PPIL2: variants seen among roughly 807,000 people sequenced by gnomAD.
PPIL2 encodes the protein peptidylprolyl isomerase like 2, also known as RING-type E3 ubiquitin-protein ligase PPIL2.
Under a neutral mutation model 75.2 loss-of-function variants are expected in PPIL2, and 50 were observed. That is an observed-to-expected ratio of 0.66 (90% CI 0.53 to 0.84). The LOEUF is 0.84. PPIL2 is among the 40% of genes least tolerant of loss of function. PPIL2 has a pLI of 0.00. For missense variants in PPIL2, 590 were observed against 685.0 expected, an observed-to-expected ratio of 0.86 and a Z score of 1.55; for synonymous variants, 245 against 258.8, an observed-to-expected ratio of 0.95 and a Z score of 0.51.
In PPIL2 at chr22:21,695,424, C is replaced by T. The variant is rs748472095; in HGVS notation, c.1497C>T (p.Thr499=). The change falls in exon 20 of 20, where the codon ACC becomes ACT. Residue 499 remains threonine, a synonymous_variant. Coordinates refer to ENST00000398831, the MANE Select transcript of PPIL2 (RefSeq NM_014337.4). ...TKRAAEEEPS[T]SATVPMSKKK... ...GAGCAGCAGAGGAAGAGCCCTCAAC[C>T]AGTGCCACTGTCCCCATGTCCAAGA... is the stretch of plus-strand genomic sequence containing the variant. 6.2e-7 allele frequency: 1 copy of T among 1,610,328 alleles called. No homozygotes were observed. The highest frequency in any genetic ancestry group is 8.5e-7 in the Non-Finnish European group (1 of 1,178,384).
intron 6 of PPIL2, among the ~76,000 whole-genome samples, chr22:21,676,797 T>C (rs973979256): frequency 5.3e-5 from 8 of 152,230 alleles, no homozygotes; most frequent in African/African-American, 1.9e-4. Flanking sequence ...TTCTGTATCT[T>C]TTCCCCACAT....
At chr22:21,680,677 A>C (rs1348762235) in intron 6 of PPIL2, among the ~76,000 whole-genome samples, 2 of 150,390 alleles carry the variant, frequency 1.3e-5, no homozygotes, top group Admixed American at 1.3e-4. Flanking sequence ...AAAATACAGA[A>C]AAATTAGCCG....
At chr22:21,692,078 C>T (rs1335486488) in intron 15 of PPIL2, among the ~76,000 whole-genome samples, 2 of 151,900 alleles carry the variant, frequency 1.3e-5, no homozygotes, top group African/African-American at 2.4e-5. Flanking sequence ...TCTTTTCAGC[C>T]TCTCTGGCTC....
At position 21,692,310 on chromosome 22, in the gene PPIL2, A is replaced by G. The variant is rs1318444371; in HGVS notation, c.1140-1506A>G. Among the ~76,000 whole-genome samples the G allele has an allele frequency of 5.5e-4, 84 of 151,768 alleles. 2 individuals are homozygous for G. The South Asian group carries it at 0.011, about 21-fold the overall frequency. On this transcript the variant is annotated intron_variant, in intron 15 of 19. Transcript: ENST00000398831. Reference sequence around the variant, plus strand: ...AGCTGGGACTACAGGCGCCCGCCACACGCCTGGCTAATTTTTTGTATTTTT... The same window carrying G: ...AGCTGGGACTACAGGCGCCCGCCACGCGCCTGGCTAATTTTTTGTATTTTT...
intron 19 of PPIL2, 114 bp from the exon 20 acceptor site, chr22:21,695,280 G>A: frequency 1.5e-6 from 2 of 1,344,342 alleles, no homozygotes; most frequent in Non-Finnish European, 2.0e-6. Flanking sequence ...GGGGGATGTG[G>A]GAGCAGCAGG....
intron 16 of PPIL2, 82 bp from the exon 17 acceptor site, chr22:21,694,511 C>G: frequency 6.6e-7 from 1 of 1,513,822 alleles, no homozygotes. Flanking sequence ...CTCTCAACCC[C>G]TCTTCCCACG....
Position 21,686,529 on chromosome 22 carries a change from C to G in PPIL2, c.761C>G (p.Ala254Gly), listed in dbSNP as rs770568621. ...GKVSASFTST[A>G]MVPETTHEAA... ...GTCAGCGCTTCCTTCACCTCCACCG[C>G]GATGGTCCCGGAGACCACACATGAA... Residue 254 changes from alanine (A) to glycine (G), a missense_variant, in exon 11 of 20, where the codon GCG becomes GGG. Transcript: ENST00000398831. The G allele has an allele frequency of 1.2e-6, 2 of 1,614,162 alleles. No individual in the cohort carries two copies. The highest frequency in any genetic ancestry group is 2.2e-5 in the East Asian group (1 of 44,870).
chr22:21,668,905 G>A (rs892165854), intron 1 of PPIL2, among the ~76,000 whole-genome samples: 37 of 151,766 alleles, frequency 2.4e-4, no homozygotes, highest in South Asian at 6.2e-4. Flanking sequence ...TAGAGACGGG[G>A]TTTCACTGTG....
intron 14 of PPIL2, 40 bp downstream of exon 14, chr22:21,688,146 T>A: frequency 6.2e-7 from 1 of 1,613,620 alleles, no homozygotes. Flanking sequence ...GCACTTTGGC[T>A]GCTCCGTGGG....
chr22:21,670,958 G>T (rs1196652228), intron 3 of PPIL2, 39 bp from the exon 4 acceptor site: 1 of 1,560,498 alleles, frequency 6.4e-7, no homozygotes, highest in Admixed American at 1.7e-5. Context: ...CCTGACCAGG[G>T]TGCGTGGCAA....
rs916619781 is a variant in PPIL2, at chr22:21,697,771, C to T, written c.*2281C>T. The stretch of plus-strand genomic sequence containing the variant: ...AGGGCAGGGGACAGGCCACCAAGGA[C>T]CTTTGGCAAATGAAGGTTTACATTT... On this transcript the variant is annotated 3_prime_UTR_variant, in exon 20 of 20. Transcript: ENST00000398831. The T allele has an allele frequency of 1.3e-5, 2 of 152,430 alleles. No individual in the cohort carries two copies. The highest frequency in any genetic ancestry group is 4.8e-5 in the African/African-American group (2 of 41,570). The allele number at this position is 152,430 out of a possible 1,614,324, so 9.4% of individuals were successfully genotyped here. A position where few individuals can be genotyped will look rare whatever the true frequency, so the allele number is the denominator to read the frequency against.
At chr22:21,685,717 G>A (rs778091037) in intron 10 of PPIL2, 1 of 449,618 alleles carries the variant, frequency 2.2e-6, no homozygotes, top group South Asian at 1.6e-5. Context: ...CGAAAGTGCT[G>A]GAATTACAGG....
intron 6 of PPIL2, among the ~76,000 whole-genome samples, chr22:21,678,938 C>T (rs1247252275): frequency 6.6e-6 from 1 of 151,078 alleles, no homozygotes; most frequent in Non-Finnish European, 1.5e-5. Context: ...CTCTTGTTCC[C>T]CAGGCTGGAG....
At chr22:21,689,165 G>T (rs550808925) in intron 15 of PPIL2, among the ~76,000 whole-genome samples, 1 of 152,228 alleles carries the variant, frequency 6.6e-6, no homozygotes, top group Non-Finnish European at 1.5e-5. Context: ...GGAGGTCAGC[G>T]TGTGGGAGGG....
intron 1 of PPIL2, among the ~76,000 whole-genome samples, 169 bp from the exon 2 acceptor site, chr22:21,669,744 C>T (rs5999001): frequency 0.049 from 7,473 of 152,256 alleles, 631 homozygotes; most frequent in African/African-American, 0.17. Context: ...TAGTGATTCG[C>T]CTGCCTCGGG....
At chr22:21,682,662 C>T in intron 8 of PPIL2, 136 bp downstream of exon 8, 1 of 555,198 alleles carries the variant, frequency 1.8e-6, no homozygotes, top group South Asian at 2.6e-5. Flanking sequence ...AATAGCCACT[C>T]TGCAGGCCTG....
At chr22:21,666,257 C>T in intron 1 of PPIL2, 126 bp downstream of exon 1, 2 of 1,110,326 alleles carry the variant, frequency 1.8e-6, no homozygotes, top group South Asian at 1.7e-5. Flanking sequence ...TCACTTCCTC[C>T]CGGAAGCTGC....
At chr22:21,667,398 C>T (rs1044969709) in intron 1 of PPIL2, among the ~76,000 whole-genome samples, 1 of 151,934 alleles carries the variant, frequency 6.6e-6, no homozygotes, top group African/African-American at 2.4e-5. Context: ...TCAGGTGATC[C>T]ACCTGCCTCG....
Position 21,692,178 on chromosome 22 carries a change from C to T in PPIL2, c.1140-1638C>T, listed in dbSNP as rs375655928. ...GTCTTTTTTTTTTTTTTCTTTGAGACGGAGTCTCGCTCCGTCCCCCAGGCT... is the reference window on the plus strand; with the variant it reads ...GTCTTTTTTTTTTTTTTCTTTGAGATGGAGTCTCGCTCCGTCCCCCAGGCT... On this transcript the variant is annotated intron_variant, in intron 15 of 19. Transcript: ENST00000398831. 3.0e-3 allele frequency among the ~76,000 whole-genome samples: 457 copies of T among 149,998 alleles called. 1 individual carries two copies. The highest frequency in any genetic ancestry group is 0.024 in the South Asian group (115 of 4,734).
Sources: allele counts gnomAD v4.1 joint callset (sites outside exome capture counted in the v4.1 genomes callset), GRCh38; gene constraint gnomAD v4.1.1; transcripts MANE v1.5; gene names NCBI Gene and HGNC (gene_info 2026-07-23, HGNC 2026-07-21).